COBLL1: variants seen among roughly 807,000 people sequenced by gnomAD.
COBLL1 encodes cordon-bleu WH2 repeat protein like 1.
Under a neutral mutation model 94.8 loss-of-function variants are expected in COBLL1, and 50 were observed. That is an observed-to-expected ratio of 0.53 (90% CI 0.42 to 0.67). The LOEUF is 0.67. Among genes scored for constraint, COBLL1 ranks in the 30% least tolerant of loss-of-function variants. The pLI is 0.00. For missense variants in COBLL1, 1,362 were observed against 1,348.7 expected, an observed-to-expected ratio of 1.01 and a Z score of -0.15; for synonymous variants, 448 against 473.8, an observed-to-expected ratio of 0.95 and a Z score of 0.71.
rs531348152 is a variant in COBLL1, at chr2:164,831,211, A to G, written c.41+9945T>C. Among the ~76,000 whole-genome samples the G allele has an allele frequency of 1.5e-3, 234 of 152,112 alleles. 1 individual carries two copies. Among genetic ancestry groups the G allele is most frequent in the African/African-American group, 5.3e-3 (222 of 41,518 alleles). On this transcript the variant is annotated intron_variant, in intron 2 of 13. Coordinates refer to ENST00000652658, the MANE Select transcript of COBLL1 (RefSeq NM_001365672.2). ...GTGGCTCATGCCTGTAGTCCCAGCTACTCGGAAGGTTGAGACAGGAGAATC... is the reference window on the plus strand; with the variant it reads ...GTGGCTCATGCCTGTAGTCCCAGCTGCTCGGAAGGTTGAGACAGGAGAATC...
At chr2:164,764,478 T>C (rs1267371116) in intron 2 of COBLL1, among the ~76,000 whole-genome samples, 3 of 152,148 alleles carry the variant, frequency 2.0e-5, no homozygotes, top group Non-Finnish European at 4.4e-5. Flanking sequence ...TTTTCTTCTT[T>C]CAAAAATGCA....
At chr2:164,705,367 G>T (rs1175774263) in intron 7 of COBLL1, 9 of 297,916 alleles carry the variant, frequency 3.0e-5, no homozygotes, top group Non-Finnish European at 5.5e-5. Context: ...GTAATGTAGA[G>T]GACTCATAAG....
In COBLL1 at chr2:164,673,365, C is replaced by T. The variant is rs149760489; in HGVS notation, n.127-7464G>A. Among the ~76,000 whole-genome samples, 1,308 of 152,098 alleles carry T rather than the reference C, an allele frequency of 8.6e-3. 10 individuals are homozygous for T. The highest frequency in any genetic ancestry group is 0.022 in the African/African-American group (917 of 41,474). On this transcript the variant is annotated intron_variant and non_coding_transcript_variant, in intron 1 of 2. Coordinates refer to the COBLL1 transcript ENST00000495084. ...GGTACTTGGTGAATGTTTTTAAGCT[C>T]GATCAGTAAGGCTGGGCGCGGTGGC...
At chr2:164,762,431 T>C (rs980895772) in intron 2 of COBLL1, among the ~76,000 whole-genome samples, 6 of 152,210 alleles carry the variant, frequency 3.9e-5, no homozygotes, top group Admixed American at 3.9e-4. Context: ...TGTCCTGAAC[T>C]AACCAGGAGA....
intron 5 of COBLL1, 185 bp from the exon 6 acceptor site, chr2:164,722,707 A>G (rs1310699967): frequency 2.9e-6 from 1 of 343,394 alleles, no homozygotes; most frequent in Admixed American, 4.5e-5. Flanking sequence ...TTCCTATTTC[A>G]CAGCAGAGGA....
intron 7 of COBLL1, among the ~76,000 whole-genome samples, chr2:164,713,589 T>TA (rs1250411711): frequency 1.3e-5 from 2 of 152,196 alleles, no homozygotes; most frequent in Admixed American, 6.5e-5. Flanking sequence ...AGATTTCTCT[T>TA]AAAGTCATCT....
In COBLL1 at chr2:164,720,816, C is replaced by T. The variant is rs558334730; in HGVS notation, c.996+1259G>A. ...AGAGTGAACTCAAGAATCATCTCTC[C>T]GTGAAGATTCTCCCAACTCTCAAGC... On this transcript the variant is annotated intron_variant, in intron 7 of 13. Transcript: ENST00000652658. Among the ~76,000 whole-genome samples, 8 of 152,112 alleles carry T rather than the reference C, an allele frequency of 5.3e-5. No individual in the cohort carries two copies. The South Asian group carries it at 8.3e-4, about 16-fold the overall frequency.
chr2:164,759,126 T>C (rs1378154686), intron 2 of COBLL1, among the ~76,000 whole-genome samples: 1 of 152,172 alleles, frequency 6.6e-6, no homozygotes, highest in Non-Finnish European at 1.5e-5. Flanking sequence ...CAAAAGTTGC[T>C]TTCAAGTCAC....
chr2:164,776,683 T>C (rs555471827), intron 2 of COBLL1, among the ~76,000 whole-genome samples: 5 of 152,070 alleles, frequency 3.3e-5, no homozygotes, highest in Non-Finnish European at 7.4e-5. Context: ...CTGATGCCTA[T>C]AACAGGGACT....
At chr2:164,658,169 A>T (rs1269646331) in intron 2 of COBLL1, among the ~76,000 whole-genome samples, 1 of 152,142 alleles carries the variant, frequency 6.6e-6, no homozygotes, top group Non-Finnish European at 1.5e-5. Flanking sequence ...CCGTGTTTAA[A>T]GATGGAAGCG....
chr2:164,705,714 TGAAC>T (rs1377648345), intron 7 of COBLL1, among the ~76,000 whole-genome samples: 3 of 152,120 alleles, frequency 2.0e-5, no homozygotes, highest in Non-Finnish European at 2.9e-5. Context: ...AATGAATGAA[TGAAC>T]GAATAAATAA....
chr2:164,770,341 C>G lies in COBLL1; in HGVS notation c.42-26466G>C, dbSNP rs527357494. On this transcript the variant is annotated intron_variant, in intron 2 of 13. Coordinates refer to ENST00000652658, the MANE Select transcript of COBLL1 (RefSeq NM_001365672.2). ...AAAACACACAATACATTATGTGAAC[C>G]TATCTAATAGATATGTCTTCTGAAA... Among the ~76,000 whole-genome samples, 121 of 151,864 alleles carry G rather than the reference C, an allele frequency of 8.0e-4. 1 individual carries two copies. The highest frequency in any genetic ancestry group is 2.9e-3 in the African/African-American group (119 of 41,448).
chr2:164,779,648 C>T (rs751692840), intron 2 of COBLL1: 11 of 470,558 alleles, frequency 2.3e-5, no homozygotes, highest in African/African-American at 4.0e-5. Flanking sequence ...CCAGGCAGGA[C>T]GGTCACCTTA....
chr2:164,703,094 G>A (rs1684395135), intron 9 of COBLL1: 2 of 1,559,774 alleles, frequency 1.3e-6, no homozygotes, highest in Non-Finnish European at 8.8e-7. Context: ...GGAAAGGCCT[G>A]ACCACCTACA....
At chr2:164,772,653 T>C (rs772414702) in intron 2 of COBLL1, among the ~76,000 whole-genome samples, 1 of 152,074 alleles carries the variant, frequency 6.6e-6, no homozygotes, top group Non-Finnish European at 1.5e-5. Context: ...GTCACCAAAC[T>C]TTCAACACAA....
chr2:164,758,021 T>G (rs2105607602), intron 2 of COBLL1, among the ~76,000 whole-genome samples: 1 of 151,912 alleles, frequency 6.6e-6, no homozygotes, highest in African/African-American at 2.4e-5. Flanking sequence ...TCAGCAGAAA[T>G]AGCTATATCA....
At chr2:164,774,946 T>C (rs1157916270) in intron 2 of COBLL1, among the ~76,000 whole-genome samples, 1 of 151,998 alleles carries the variant, frequency 6.6e-6, no homozygotes, top group Non-Finnish European at 1.5e-5. Context: ...AATATGTATA[T>C]GTTTATCATA....
intron 2 of COBLL1, among the ~76,000 whole-genome samples, chr2:164,818,207 T>C (rs913464509): frequency 1.4e-5 from 2 of 142,886 alleles, no homozygotes. Context: ...TATACATATG[T>C]GTGTATATAT....
intron 1 of COBLL1, among the ~76,000 whole-genome samples, chr2:164,669,296 T>C (rs1298566900): frequency 1.3e-5 from 2 of 152,162 alleles, no homozygotes; most frequent in African/African-American, 2.4e-5. Context: ...GAATGCTACC[T>C]GGTAATATAA....
Sources: allele counts gnomAD v4.1 joint callset (sites outside exome capture counted in the v4.1 genomes callset), GRCh38; gene constraint gnomAD v4.1.1; transcripts MANE v1.5; gene names NCBI Gene and HGNC (gene_info 2026-07-23, HGNC 2026-07-21).